The following BARD1 variants were observed in gnomAD, a reference collection of about 807,000 sequenced individuals.
The protein encoded by BARD1 is BRCA1-associated RING domain protein 1.
A neutral mutation model predicts 77.0 loss-of-function variants in BARD1; 73 were observed. The observed-to-expected ratio is 0.95, with a 90% confidence interval of 0.79 to 1.15. The LOEUF is 1.15. Ranked by LOEUF, BARD1 falls within the 50% of genes most tolerant of loss-of-function variation. The pLI is 0.00. For missense variants in BARD1, 993 were observed against 938.8 expected (o/e 1.06, Z -0.75); for synonymous variants, 384 against 338.0 (o/e 1.14, Z -1.49).
intron 7 of BARD1, among the ~76,000 whole-genome samples, chr2:214,751,179 A>T (rs1159840489): frequency 6.1e-5 from 1 of 16,488 alleles, no homozygotes; most frequent in Non-Finnish European, 1.6e-4. Flanking sequence ...TTTTTTTTTG[A>T]GACAGTCTTG....
chr2:214,787,758 TAATC>T (rs1695336290), intron 3 of BARD1, among the ~76,000 whole-genome samples: 1 of 152,012 alleles, frequency 6.6e-6, no homozygotes, highest in Non-Finnish European at 1.5e-5. Context: ...TACAATTTAA[TAATC>T]AACTATAGAA....
At chr2:214,757,079 T>A (rs1693727880) in intron 6 of BARD1, among the ~76,000 whole-genome samples, 1 of 152,110 alleles carries the variant, frequency 6.6e-6, no homozygotes, top group African/African-American at 2.4e-5. Flanking sequence ...CCCCTTCATC[T>A]CCCACCATGA....
At chr2:214,779,328 A>T (rs1231554188) in intron 4 of BARD1, among the ~76,000 whole-genome samples, 1 of 152,202 alleles carries the variant, frequency 6.6e-6, no homozygotes, top group Non-Finnish European at 1.5e-5. Flanking sequence ...ATCATCTCTA[A>T]ATTACTTATA....
In BARD1 at chr2:214,725,773, T is replaced by C. The variant is rs1692058105; in HGVS notation, c.*2903A>G. The C allele has an allele frequency of 9.2e-6, 2 of 217,640 alleles. No individual in the cohort carries two copies. The highest frequency in any genetic ancestry group is 1.8e-5 in the Non-Finnish European group (2 of 108,408). The allele number at this position is 217,640 out of a possible 1,614,324, so 13.5% of individuals were successfully genotyped here. ...TATCAAAGAAAATGGTGGCTTTTAG[T>C]AATTAAATAAGACAAGCATTAGTTC... On this transcript the variant is annotated 3_prime_UTR_variant, in exon 11 of 11. Coordinates refer to ENST00000260947, the MANE Select transcript of BARD1 (RefSeq NM_000465.4).
At chr2:214,786,203 T>C (rs1040016456) in intron 3 of BARD1, among the ~76,000 whole-genome samples, 3 of 150,968 alleles carry the variant, frequency 2.0e-5, no homozygotes, top group African/African-American at 7.4e-5. Context: ...TTTCAAATGG[T>C]GATTATTACT....
At chr2:214,792,101 C>G (rs924828494) in intron 3 of BARD1, among the ~76,000 whole-genome samples, 196 bp downstream of exon 3, 1 of 147,084 alleles carries the variant, frequency 6.8e-6, no homozygotes, top group Non-Finnish European at 1.5e-5. Context: ...CCCTTGAGTG[C>G]AGGAGTTCAA....
chr2:214,800,346 G>A (rs531984190), intron 1 of BARD1, among the ~76,000 whole-genome samples: 1 of 152,278 alleles, frequency 6.6e-6, no homozygotes, highest in East Asian at 1.9e-4. Context: ...TATTGGGGGA[G>A]GGAACAAGAA....
intron 6 of BARD1, among the ~76,000 whole-genome samples, chr2:214,756,921 C>T (rs1693721754): frequency 6.6e-6 from 1 of 152,158 alleles, no homozygotes; most frequent in South Asian, 2.1e-4. Flanking sequence ...TCACAAATCA[C>T]CACTAAAAAA....
rs534611407 is a variant in BARD1, at chr2:214,786,229, T to C, written c.365-4720A>G. Among the ~76,000 whole-genome samples the C allele has an allele frequency of 2.6e-5, 4 of 151,038 alleles. No individual in the cohort carries two copies. In the East Asian group the frequency reaches 5.8e-4, roughly 22 times the overall value. On this transcript the variant is annotated intron_variant, in intron 3 of 10. Transcript: ENST00000260947. The stretch of plus-strand genomic sequence containing the variant: ...GATTATTACTGAGAACTTTTAATAC[T>C]TAAGAGATACAACATTATTTTCATT...
intron 9 of BARD1, chr2:214,731,278 T>C (rs941290172): frequency 6.4e-6 from 1 of 155,776 alleles, no homozygotes; most frequent in African/African-American, 2.4e-5. Flanking sequence ...AATCCCTAAG[T>C]AGGGCCACTG....
chr2:214,750,399 C>T (rs565246715), intron 7 of BARD1, among the ~76,000 whole-genome samples: 1 of 152,146 alleles, frequency 6.6e-6, no homozygotes, highest in African/African-American at 2.4e-5. Flanking sequence ...CCAACCTAAC[C>T]CTTTACCCTG....
rs1354034131 is a variant in BARD1, at chr2:214,751,101, GTGTGTGTGTGTGTGTGTATATA to G, written c.1677+1324_1677+1345del. ...ATTCTGTGTGTGTGTGTGTGTGTGT[GTGTGTGTGTGTGTGTGTATATA>G]TATATATATATATATATATATATAT... On this transcript the variant is annotated intron_variant, in intron 7 of 10. Transcript: ENST00000260947. Among the ~76,000 whole-genome samples, 394 of 57,718 alleles carry G rather than the reference GTGTGTGTGTGTGTGTGTATATA, an allele frequency of 6.8e-3. 78 individuals are homozygous for G. The highest frequency in any genetic ancestry group is 0.011 in the African/African-American group (157 of 13,850). The allele number at this position is 57,718 out of a possible 152,430, so 37.9% of individuals were successfully genotyped here.
At chr2:214,750,624 T>C (rs771101821) in intron 7 of BARD1, among the ~76,000 whole-genome samples, 7 of 152,140 alleles carry the variant, frequency 4.6e-5, no homozygotes, top group Non-Finnish European at 1.0e-4. Context: ...CCCAGTTTTG[T>C]TCAGGTAGCC....
At chr2:214,736,593 G>T (rs1175957612) in intron 9 of BARD1, among the ~76,000 whole-genome samples, 1 of 151,996 alleles carries the variant, frequency 6.6e-6, no homozygotes, top group African/African-American at 2.4e-5. Context: ...GGGTTTATTT[G>T]ACTGATTATT....
At chr2:214,801,940 C>A (rs765576949) in intron 1 of BARD1, among the ~76,000 whole-genome samples, 3 of 151,408 alleles carry the variant, frequency 2.0e-5, no homozygotes, top group Admixed American at 6.6e-5. Flanking sequence ...GCTCACTGAG[C>A]TTTGAACTCC....
rs1409404152 is a variant in BARD1 at position 214,728,112 on chromosome 2, G to GA, written c.*563dup. ...GATATACAAGATAAAAAACAGGGAT[G>GA]AAAGTGTAGAAACACACAACAAAGT... On this transcript the variant is annotated 3_prime_UTR_variant, in exon 11 of 11. Transcript: ENST00000260947. The GA allele has an allele frequency of 4.4e-6, 1 of 229,050 alleles. No homozygotes were observed. The highest frequency in any genetic ancestry group is 8.7e-6 in the Non-Finnish European group (1 of 115,524). The allele number at this position is 229,050 out of a possible 1,614,324, so 14.2% of individuals were successfully genotyped here.
At chr2:214,786,169 A>C (rs571446862) in intron 3 of BARD1, among the ~76,000 whole-genome samples, 1 of 152,064 alleles carries the variant, frequency 6.6e-6, no homozygotes, top group African/African-American at 2.4e-5. Context: ...TAAACATCTG[A>C]TGTTACAAGG....
chr2:214,753,505 C>A (rs1454327692), intron 6 of BARD1, among the ~76,000 whole-genome samples: 2 of 151,852 alleles, frequency 1.3e-5, no homozygotes, highest in African/African-American at 4.8e-5. Context: ...AAATCCAATG[C>A]AGTAAATGGG....
rs76610210 is a variant in BARD1 at position 214,726,718 on chromosome 2, T to C, written c.*1958A>G. The C allele has an allele frequency of 0.022, 5,076 of 227,728 alleles. 249 individuals are homozygous for C. Among genetic ancestry groups the C allele is most frequent in the African/African-American group, 0.1 (4,684 of 45,038 alleles). 14.1% of individuals were successfully genotyped at this position (227,728 alleles called of 1,614,324 possible). On this transcript the variant is annotated 3_prime_UTR_variant, in exon 11 of 11. Coordinates refer to ENST00000260947, the MANE Select transcript of BARD1 (RefSeq NM_000465.4). ...GAAAAATAAAAAATAATTACATGTA[T>C]ATCTACACAGAAAGTACAATCACAA...
Sources: allele counts gnomAD v4.1 joint callset (sites outside exome capture counted in the v4.1 genomes callset), GRCh38; gene constraint gnomAD v4.1.1; transcripts MANE v1.5; gene names NCBI Gene and HGNC (gene_info 2026-07-23, HGNC 2026-07-21).